Variants in SPNS3 observed in about 807,000 individuals in gnomAD.
SPNS3 encodes protein spinster homolog 3.
SPNS3 carries 51 observed loss-of-function variants against 54.4 expected under a neutral mutation model. That is an observed-to-expected ratio of 0.94 (90% confidence interval 0.75 to 1.18). The LOEUF is 1.18. SPNS3 is among the 50% of genes most tolerant of loss of function. The pLI is 0.00. For missense variants in SPNS3, 669 were observed against 677.4 expected, an observed-to-expected ratio of 0.99 and a Z score of 0.14; for synonymous variants, 309 against 294.7, an observed-to-expected ratio of 1.05 and a Z score of -0.50.
chr17:4,459,154 G>A (rs942821445), intron 8 of SPNS3, among the ~76,000 whole-genome samples: 3 of 151,976 alleles, frequency 2.0e-5, no homozygotes, highest in Non-Finnish European at 2.9e-5. Flanking sequence ...CCCTTAGTAC[G>A]CCCAGTGTTG....
intron 2 of SPNS3, among the ~76,000 whole-genome samples, chr17:4,441,802 G>GT (rs1970854746): frequency 6.6e-6 from 1 of 151,008 alleles, no homozygotes; most frequent in African/African-American, 2.4e-5. Context: ...GGTGTGTTGG[G>GT]GGGGGTCTCA....
At chr17:4,444,342 G>C (rs965307358) in intron 2 of SPNS3, among the ~76,000 whole-genome samples, 9 of 151,640 alleles carry the variant, frequency 5.9e-5, no homozygotes, top group African/African-American at 2.2e-4. Context: ...ATCCTCTCGA[G>C]TAGCTGGGAG....
chr17:4,443,229 C>G (rs1374589977), intron 2 of SPNS3, among the ~76,000 whole-genome samples: 1 of 152,148 alleles, frequency 6.6e-6, no homozygotes, highest in Non-Finnish European at 1.5e-5. Context: ...CGCCACCATG[C>G]TCAGCTAACT....
intron 7 of SPNS3, 98 bp from the exon 8 acceptor site, chr17:4,452,918 C>A: frequency 1.6e-6 from 2 of 1,235,460 alleles, no homozygotes; most frequent in South Asian, 1.4e-5. Context: ...AGATCATGCA[C>A]TTGAGCCGAG....
At chr17:4,441,998 G>GTGTGTGTGTGTGTA (rs1970865142) in intron 2 of SPNS3, among the ~76,000 whole-genome samples, 1 of 151,466 alleles carries the variant, frequency 6.6e-6, no homozygotes. Context: ...GTGTGTGTGT[G>GTGTGTGTGTGTGTA]TGTGTGTGTG....
intron 9 of SPNS3, among the ~76,000 whole-genome samples, chr17:4,484,063 T>G (rs1473367560): frequency 6.6e-6 from 1 of 152,160 alleles, no homozygotes; most frequent in East Asian, 1.9e-4. Context: ...GCATAAATAT[T>G]GCTAGAAACA....
At chr17:4,487,456 G>A (rs1972353249) in intron 11 of SPNS3, among the ~76,000 whole-genome samples, 1 of 152,222 alleles carries the variant, frequency 6.6e-6, no homozygotes, top group Non-Finnish European at 1.5e-5. Flanking sequence ...TCCTTGTAAA[G>A]ACAGTGGCTT....
intron 8 of SPNS3, among the ~76,000 whole-genome samples, chr17:4,458,600 T>TCTTA (rs1971395953): frequency 1.2e-5 from 1 of 85,632 alleles, no homozygotes; most frequent in African/African-American, 6.4e-5. Context: ...TTTCTTTCTT[T>TCTTA]CTTTCTTTCT....
intron 8 of SPNS3, among the ~76,000 whole-genome samples, chr17:4,464,802 T>C (rs543609189): frequency 1.3e-5 from 2 of 152,270 alleles, no homozygotes; most frequent in South Asian, 4.1e-4. Context: ...TGTCTCAACC[T>C]CCTGAGTAGC....
intron 2 of SPNS3, 65 bp from the exon 3 acceptor site, chr17:4,444,967 T>C (rs914703382): frequency 1.3e-6 from 2 of 1,551,866 alleles, no homozygotes; most frequent in African/African-American, 1.4e-5. Context: ...TCCCTGGGCC[T>C]GCTGGGCCAT....
Position 4,448,205 on chromosome 17 carries a change from T to G in SPNS3, c.672T>G (p.Val224=). Residue 224 remains valine, a synonymous_variant, in exon 6 of 12, where the codon GTT becomes GTG. Transcript: ENST00000355530. ...AVALILLILL[V]PDPPRGAAET... Reference sequence around the variant, plus strand: ...CCTTGATCCTGCTTATCCTGCTGGTTCCAGACCCACCCCGGGGAGCTGCCG... The same window carrying G: ...CCTTGATCCTGCTTATCCTGCTGGTGCCAGACCCACCCCGGGGAGCTGCCG... The G allele has an allele frequency of 6.2e-7, 1 of 1,604,460 alleles. No homozygotes were observed. The highest frequency in any genetic ancestry group is 8.5e-7 in the Non-Finnish European group (1 of 1,175,640).
At chr17:4,482,798 C>T (rs1303545169) in intron 9 of SPNS3, among the ~76,000 whole-genome samples, 1 of 152,226 alleles carries the variant, frequency 6.6e-6, no homozygotes. Context: ...CTGTCCCCGC[C>T]CCACTCAGGA....
chr17:4,465,996 T>G (rs979141377), intron 8 of SPNS3, among the ~76,000 whole-genome samples: 4 of 152,008 alleles, frequency 2.6e-5, no homozygotes, highest in African/African-American at 9.7e-5. Flanking sequence ...CGGACTCGAG[T>G]GCTCACCCTC....
Position 4,485,490 on chromosome 17 carries a change from C to T in SPNS3, c.1180-738C>T, listed in dbSNP as rs944542774. ...TCAGCTCACTGCAACCTCCGCCTCC[C>T]GTGTTCAAGCAATTCTCCTGCCTCA... On this transcript the variant is annotated intron_variant, in intron 9 of 11. Coordinates refer to ENST00000355530, the MANE Select transcript of SPNS3 (RefSeq NM_182538.5). Among the ~76,000 whole-genome samples, 31 of 151,898 alleles carry T rather than the reference C, an allele frequency of 2.0e-4. 1 individual carries two copies. Among genetic ancestry groups the T allele is most frequent in the Admixed American group, 1.8e-3 (27 of 15,266 alleles).
At chr17:4,474,392 G>C (rs117040424) in intron 8 of SPNS3, among the ~76,000 whole-genome samples, 69 of 152,164 alleles carry the variant, frequency 4.5e-4, no homozygotes, top group Non-Finnish European at 1.9e-4. Context: ...CAAAGAGATC[G>C]TCCGTGAGGG....
chr17:4,456,754 G>A (rs550011069), intron 8 of SPNS3, among the ~76,000 whole-genome samples: 9 of 151,506 alleles, frequency 5.9e-5, no homozygotes, highest in East Asian at 1.9e-4. Context: ...TCACTCTGTC[G>A]CCCAGGCTGG....
chr17:4,486,380 G>A lies in SPNS3; in HGVS notation c.1279-32G>A, dbSNP rs1972314268. 6.3e-7 allele frequency: 1 copy of A among 1,595,446 alleles called. No homozygotes were observed. Among genetic ancestry groups the A allele is most frequent in the Non-Finnish European group, 8.5e-7 (1 of 1,169,656 alleles). ...GGAGGGTCTGGGGGCCAGGCTGGTG[G>A]GCCTGGCAGACTCATCCCTTCTCCT... On this transcript the variant is annotated intron_variant, in intron 10 of 11. Coordinates refer to ENST00000355530, the MANE Select transcript of SPNS3 (RefSeq NM_182538.5). The surrounding 1 kb of genome is among the most constrained non-coding windows in gnomAD (Gnocchi z 5.5).
At chr17:4,447,069 GGGAC>G (rs1971016649) in intron 5 of SPNS3, 107 bp downstream of exon 5, 4 of 1,098,278 alleles carry the variant, frequency 3.6e-6, no homozygotes, top group East Asian at 4.9e-5. Flanking sequence ...CGCCATTAGG[GGGAC>G]GGGGGGTGGT....
chr17:4,487,658 A>G (rs751592576), intron 11 of SPNS3, 148 bp from the exon 12 acceptor site: 6 of 747,002 alleles, frequency 8.0e-6, no homozygotes, highest in Middle Eastern at 2.5e-4. Flanking sequence ...CGCCAGTGGC[A>G]TTGAAGGTGA....
Sources: allele counts gnomAD v4.1 joint callset (sites outside exome capture counted in the v4.1 genomes callset), GRCh38; gene constraint gnomAD v4.1.1; non-coding constraint Gnocchi (gnomAD v3.1); transcripts MANE v1.5; gene names NCBI Gene and HGNC (gene_info 2026-07-23, HGNC 2026-07-21).